GABBR2: variants seen among roughly 807,000 people sequenced by gnomAD.
GABBR2 encodes the protein gamma-aminobutyric acid type B receptor subunit 2.
GABBR2 carries 23 observed loss-of-function variants against 105.6 expected under a neutral mutation model. The ratio of observed to expected loss-of-function variants is 0.22; its 90% confidence interval spans 0.16 to 0.31. GABBR2 has a LOEUF of 0.31. GABBR2 is among the 10% of genes least tolerant of loss of function. The pLI, the probability that GABBR2 is intolerant of heterozygous loss-of-function variation, is 1.00. For synonymous variants in GABBR2, 478 were observed against 499.7 expected (o/e 0.96, Z 0.58); for missense variants, 734 against 1,245.5 (o/e 0.59, Z 6.18).
intron 13 of GABBR2, among the ~76,000 whole-genome samples, chr9:98,323,073 C>T (rs1182769030): frequency 1.3e-5 from 2 of 152,098 alleles, no homozygotes; most frequent in East Asian, 1.9e-4. Context: ...AACGAGGCTC[C>T]GTAAGGCTGA....
At chr9:98,348,381 T>C (rs1340097390) in intron 13 of GABBR2, among the ~76,000 whole-genome samples, 1 of 152,236 alleles carries the variant, frequency 6.6e-6, no homozygotes, top group African/African-American at 2.4e-5. Context: ...CCTTCTGCTT[T>C]ATATCTTTTG....
At chr9:98,471,181 C>T (rs955285843) in intron 6 of GABBR2, among the ~76,000 whole-genome samples, 5 of 152,144 alleles carry the variant, frequency 3.3e-5, no homozygotes, top group African/African-American at 4.8e-5. Context: ...TTAACAATCT[C>T]GTAACTGTGG....
chr9:98,545,912 A>G (rs1828390415), intron 2 of GABBR2, among the ~76,000 whole-genome samples: 1 of 152,188 alleles, frequency 6.6e-6, no homozygotes, highest in Non-Finnish European at 1.5e-5. Context: ...CCTAACTTGG[A>G]GACCAAGCTT....
intron 1 of GABBR2, among the ~76,000 whole-genome samples, chr9:98,683,469 C>A (rs1259703672): frequency 6.6e-5 from 10 of 152,136 alleles, no homozygotes; most frequent in Non-Finnish European, 1.5e-5. Context: ...CAGCTCCTAC[C>A]TACGCTATGA....
chr9:98,651,104 T>C (rs1001531935), intron 1 of GABBR2, among the ~76,000 whole-genome samples: 1 of 151,542 alleles, frequency 6.6e-6, no homozygotes, highest in Non-Finnish European at 1.5e-5. Flanking sequence ...ATCAAGATTA[T>C]ACACACACAC....
At chr9:98,703,612 CCTCCCTAGTGG>C (rs896238591) in intron 1 of GABBR2, among the ~76,000 whole-genome samples, 2 of 152,108 alleles carry the variant, frequency 1.3e-5, no homozygotes, top group African/African-American at 4.8e-5. Context: ...CCTGCCTCAA[CCTCCCTAGTGG>C]CTGGGACCAC....
intron 13 of GABBR2, among the ~76,000 whole-genome samples, chr9:98,315,259 G>T (rs1365850475): frequency 6.6e-6 from 1 of 152,126 alleles, no homozygotes; most frequent in African/African-American, 2.4e-5. Context: ...TCCACTGAGA[G>T]TTCATGGAAG....
intron 13 of GABBR2, among the ~76,000 whole-genome samples, chr9:98,327,837 C>T (rs1184831503): frequency 6.7e-6 from 1 of 150,346 alleles, no homozygotes; most frequent in Admixed American, 6.7e-5. Flanking sequence ...CCACTGCACT[C>T]CAGCCTGGGT....
At chr9:98,293,657 T>G (rs1727511346) in intron 18 of GABBR2, 128 bp downstream of exon 18, 1 of 615,800 alleles carries the variant, frequency 1.6e-6, no homozygotes, top group Admixed American at 2.6e-5. Context: ...GTAATTGGAC[T>G]GCATCATGGG....
Position 98,388,648 on chromosome 9 carries a change from TGTGTGTGTGTGTGC to T in GABBR2, c.1529+192_1529+205del, listed in dbSNP as rs1197640701. On this transcript the variant is annotated intron_variant, in intron 10 of 18. Coordinates refer to ENST00000259455, the MANE Select transcript of GABBR2 (RefSeq NM_005458.8). This position sits in a 1 kb window ranked among gnomAD's most constrained non-coding sequence, Gnocchi z 4.4. Reference sequence around the variant, plus strand: ...GTGTGTGTGTGTGTGTGTGTGTGTGTGTGTGTGTGTGTGCGTGCACGCACACACACGTACTCACA... The same window carrying T: ...GTGTGTGTGTGTGTGTGTGTGTGTGTGTGCACGCACACACACGTACTCACA... Among the ~76,000 whole-genome samples the T allele has an allele frequency of 9.3e-5, 14 of 150,326 alleles. No homozygotes were observed. Among genetic ancestry groups the T allele is most frequent in the Admixed American group, 2.0e-4 (3 of 15,180 alleles).
intron 11 of GABBR2, among the ~76,000 whole-genome samples, chr9:98,376,992 T>C (rs1831885876): frequency 6.6e-6 from 1 of 152,154 alleles, no homozygotes; most frequent in Non-Finnish European, 1.5e-5. Context: ...CTCCAAGAAC[T>C]TGGCTCAAAG....
rs79679873 is a variant in GABBR2 at position 98,541,969 on chromosome 9, T to C, written c.534A>G (p.Ser178=). The change falls in exon 3 of 19, where the codon TCA becomes TCG. Residue 178 remains serine, a synonymous_variant. Transcript: ENST00000259455. ...KYPYFFRTVP[S]DNAVNPAILK... is the part of the protein sequence containing the mutation. ...GAATGGCTGGATTCACCGCATTGTC[T>C]GATGGGACGGTCCGAAAGAAATAAG... The C allele has an allele frequency of 5.6e-6, 9 of 1,614,052 alleles. No individual in the cohort carries two copies. The highest frequency in any genetic ancestry group is 7.6e-6 in the Non-Finnish European group (9 of 1,179,986).
At chr9:98,482,138 A>C (rs1826938020) in intron 4 of GABBR2, among the ~76,000 whole-genome samples, 2 of 152,230 alleles carry the variant, frequency 1.3e-5, no homozygotes, top group Admixed American at 1.3e-4. Context: ...CCTGCAGTTC[A>C]TCCATCCCCT....
Position 98,577,995 on chromosome 9 carries a change from G to T in GABBR2, c.399C>A (p.Gly133=). The change falls in exon 2 of 19, where the codon GGC becomes GGA. Residue 133 remains glycine, a synonymous_variant. Transcript: ENST00000259455. ...TGATGGATGTGACGGATGGACAGACGCCTCCAAACACCATCAAGTGGTTAG... is the reference window on the plus strand; with the variant it reads ...TGATGGATGTGACGGATGGACAGACTCCTCCAAACACCATCAAGTGGTTAG... The part of the protein sequence containing the change: ...YGPNHLMVFG[G]VCPSVTSIIA... 1 of 1,613,748 alleles carries T rather than the reference G, an allele frequency of 6.2e-7. No homozygotes were observed. The highest frequency in any genetic ancestry group is 8.5e-7 in the Non-Finnish European group (1 of 1,179,662).
chr9:98,591,034 G>A (rs535700567), intron 1 of GABBR2, among the ~76,000 whole-genome samples: 45 of 152,332 alleles, frequency 3.0e-4, no homozygotes, highest in Middle Eastern at 6.8e-3. Flanking sequence ...TTCCATTCAG[G>A]AGGGAAGAGA....
chr9:98,467,104 C>A (rs1826574970), intron 6 of GABBR2, among the ~76,000 whole-genome samples: 1 of 152,224 alleles, frequency 6.6e-6, no homozygotes, highest in South Asian at 2.1e-4. Context: ...ATTGGCCAGA[C>A]TTGCAATCCC....
At chr9:98,623,582 T>C (rs1163196460) in intron 1 of GABBR2, among the ~76,000 whole-genome samples, 1 of 152,222 alleles carries the variant, frequency 6.6e-6, no homozygotes, top group African/African-American at 2.4e-5. Context: ...GAAGAACCCA[T>C]TCTCTCGCAT....
chr9:98,342,647 C>T (rs908906619), intron 13 of GABBR2, among the ~76,000 whole-genome samples: 4 of 152,152 alleles, frequency 2.6e-5, no homozygotes, highest in Non-Finnish European at 4.4e-5. Context: ...CCTGGCCATC[C>T]AGGGCACCAT....
chr9:98,464,731 A>G (rs1014419229), intron 6 of GABBR2, among the ~76,000 whole-genome samples: 9 of 152,198 alleles, frequency 5.9e-5, no homozygotes, highest in African/African-American at 1.9e-4. Flanking sequence ...GTGTCTGTGT[A>G]GAAAGAAGTA....
Sources: allele counts gnomAD v4.1 joint callset (sites outside exome capture counted in the v4.1 genomes callset), GRCh38; gene constraint gnomAD v4.1.1; non-coding constraint Gnocchi (gnomAD v3.1); transcripts MANE v1.5; gene names NCBI Gene and HGNC (gene_info 2026-07-23, HGNC 2026-07-21).